Variants in ABCA5 observed in about 807,000 individuals in gnomAD.
The protein encoded by ABCA5 is cholesterol transporter ABCA5.
ABCA5 carries 163 observed loss-of-function variants against 206.0 expected under a neutral mutation model. The ratio of observed to expected loss-of-function variants is 0.79; its 90% CI spans 0.70 to 0.90. ABCA5 has a LOEUF of 0.90. ABCA5 is among the 40% of genes least tolerant of loss of function. The pLI is 0.00. For missense variants in ABCA5, 1,859 were observed against 1,912.9 expected (o/e 0.97, Z 0.53); for synonymous variants, 609 against 613.8 (o/e 0.99, Z 0.11).
intron 25 of ABCA5, 21 bp downstream of exon 25, chr17:69,261,614 A>G: frequency 9.3e-7 from 1 of 1,079,142 alleles, no homozygotes; most frequent in Non-Finnish European, 1.3e-6. Flanking sequence ...GAAAGTTGAA[A>G]TAATGTAAAA....
intron 17 of ABCA5, among the ~76,000 whole-genome samples, chr17:69,285,102 A>G (rs2075436100): frequency 6.6e-6 from 1 of 152,240 alleles, no homozygotes; most frequent in South Asian, 2.1e-4. Flanking sequence ...TGTAAAATGA[A>G]AGCAATAATA....
intron 15 of ABCA5, 87 bp from the exon 16 acceptor site, chr17:69,286,398 G>T: frequency 8.9e-7 from 1 of 1,126,670 alleles, no homozygotes; most frequent in Non-Finnish European, 1.3e-6. Context: ...TCATATGAGA[G>T]TCATCCACAT....
At chr17:69,292,110 A>G (rs2075534066) in intron 11 of ABCA5, among the ~76,000 whole-genome samples, 1 of 152,096 alleles carries the variant, frequency 6.6e-6, no homozygotes, top group African/African-American at 2.4e-5. Context: ...CCCTGTCTCA[A>G]AAACAAACAA....
At chr17:69,288,611 G>A (rs951742527) in intron 14 of ABCA5, among the ~76,000 whole-genome samples, 4 of 151,726 alleles carry the variant, frequency 2.6e-5, no homozygotes, top group Non-Finnish European at 2.9e-5. Context: ...GCTCATGCCT[G>A]TAATCCCAAC....
intron 11 of ABCA5, among the ~76,000 whole-genome samples, chr17:69,292,121 A>G (rs2075534308): frequency 6.6e-6 from 1 of 151,738 alleles, no homozygotes; most frequent in South Asian, 2.1e-4. Flanking sequence ...AAACAAACAA[A>G]CAACAACAAA....
intron 3 of ABCA5, among the ~76,000 whole-genome samples, chr17:69,312,408 T>C (rs1239284386): frequency 1.3e-5 from 2 of 152,090 alleles, no homozygotes; most frequent in Non-Finnish European, 2.9e-5. Context: ...ACAAAAAATA[T>C]ATATATAAAT....
At chr17:69,312,590 T>G (rs2075780813) in intron 3 of ABCA5, among the ~76,000 whole-genome samples, 1 of 152,150 alleles carries the variant, frequency 6.6e-6, no homozygotes, top group Non-Finnish European at 1.5e-5. Flanking sequence ...TTTTTATTGT[T>G]ATAGATGGGG....
At chr17:69,267,836 C>T in intron 23 of ABCA5, 107 bp downstream of exon 23, 1 of 502,252 alleles carries the variant, frequency 2.0e-6, no homozygotes, top group Admixed American at 3.8e-5. Context: ...ATTCCATTTA[C>T]TTATTTCTGA....
chr17:69,279,415 C>G (rs981994116), intron 18 of ABCA5, among the ~76,000 whole-genome samples: 3 of 152,118 alleles, frequency 2.0e-5, no homozygotes, highest in African/African-American at 4.8e-5. Context: ...ATTCCATGCT[C>G]ATGGGTAGGA....
chr17:69,284,785 T>C (rs780851817), intron 17 of ABCA5, among the ~76,000 whole-genome samples: 31 of 152,170 alleles, frequency 2.0e-4, no homozygotes, highest in Admixed American at 1.4e-3. Context: ...CACTGTATAA[T>C]CATGAGAAGC....
chr17:69,269,906 G>A (rs916245311), intron 22 of ABCA5, among the ~76,000 whole-genome samples: 2 of 152,258 alleles, frequency 1.3e-5, no homozygotes, highest in Non-Finnish European at 2.9e-5. Context: ...GTTGCCTAGG[G>A]TTGGGAGTGG....
At chr17:69,257,130 C>T (rs187075799) in intron 28 of ABCA5, among the ~76,000 whole-genome samples, 8 of 152,076 alleles carry the variant, frequency 5.3e-5, no homozygotes, top group Non-Finnish European at 1.2e-4. Context: ...TTTAAGAAGC[C>T]GAGGCATGCA....
chr17:69,321,867 T>C (rs1272518883), intron 1 of ABCA5, among the ~76,000 whole-genome samples: 2 of 152,180 alleles, frequency 1.3e-5, no homozygotes, highest in African/African-American at 4.8e-5. Context: ...TTTAAACACC[T>C]AACATCTCTA....
intron 13 of ABCA5, 54 bp downstream of exon 13, chr17:69,289,808 A>G: frequency 7.2e-7 from 1 of 1,382,308 alleles, no homozygotes; most frequent in Non-Finnish European, 9.9e-7. Flanking sequence ...AGTCATTACA[A>G]AAGGTTATTG....
chr17:69,303,342 T>G (rs1475200058), intron 7 of ABCA5, among the ~76,000 whole-genome samples: 2 of 152,130 alleles, frequency 1.3e-5, no homozygotes, highest in East Asian at 3.9e-4. Flanking sequence ...GGTCTCAAAC[T>G]CCTTGCCTCA....
At chr17:69,258,971 T>C (rs2075115063) in intron 28 of ABCA5, among the ~76,000 whole-genome samples, 1 of 152,044 alleles carries the variant, frequency 6.6e-6, no homozygotes, top group Non-Finnish European at 1.5e-5. Flanking sequence ...TTGGCAAGGA[T>C]GTGGAGAAAA....
intron 1 of ABCA5, chr17:69,316,954 T>C (rs1027924648): frequency 2.0e-5 from 3 of 152,130 alleles, no homozygotes; most frequent in Admixed American, 1.3e-4. Context: ...CCAAAAGAAA[T>C]GAACATAAGG....
intron 23 of ABCA5, among the ~76,000 whole-genome samples, chr17:69,266,472 A>G (rs1239069119): frequency 5.3e-5 from 8 of 151,810 alleles, no homozygotes; most frequent in Non-Finnish European, 1.0e-4. Flanking sequence ...TTAATTAAAA[A>G]TAAGTTAGTG....
At chr17:69,310,618 T>G (rs966956071) in intron 3 of ABCA5, among the ~76,000 whole-genome samples, 1 of 152,180 alleles carries the variant, frequency 6.6e-6, no homozygotes, top group Non-Finnish European at 1.5e-5. Flanking sequence ...AGAAGATAAG[T>G]GGAAAAAATA....
Sources: gnomAD v4.1 joint callset for allele counts (sites outside exome capture counted in the v4.1 genomes callset) on GRCh38, gnomAD v4.1.1 for gene constraint, MANE v1.5 for transcripts, NCBI Gene and HGNC (gene_info 2026-07-23, HGNC 2026-07-21) for gene names.